Variants in DCDC1 observed in about 807,000 individuals in gnomAD.
The protein encoded by DCDC1 is doublecortin domain containing 1.
Under a neutral mutation model 178.3 loss-of-function variants are expected in DCDC1, and 200 were observed. The observed-to-expected ratio is 1.12, with a 90% confidence interval of 1.00 to 1.26. DCDC1 has a LOEUF of 1.26. Ranked by LOEUF, DCDC1 falls within the 50% of genes most tolerant of loss-of-function variation. DCDC1 has a pLI of 0.00. For synonymous variants in DCDC1, 690 were observed against 604.8 expected, an observed-to-expected ratio of 1.14 and a Z score of -2.07; for missense variants, 1,983 against 1,749.2, an observed-to-expected ratio of 1.13 and a Z score of -2.38.
chr11:30,998,538 C>A (rs554653802), intron 20 of DCDC1, among the ~76,000 whole-genome samples: 1,302 of 37,322 alleles, frequency 0.035, 29 homozygotes, highest in Admixed American at 0.14. Context: ...ATTTTCCTTG[C>A]AAAAGAATTC....
intron 29 of DCDC1, 143 bp from the exon 30 acceptor site, chr11:30,906,868 A>G (rs1466512332): frequency 3.6e-6 from 3 of 845,000 alleles, no homozygotes; most frequent in East Asian, 2.8e-5. Context: ...TAAATTTAGC[A>G]TAAATTTAGC....
chr11:30,948,660 C>T (rs163874), intron 21 of DCDC1, among the ~76,000 whole-genome samples: 111,337 of 152,074 alleles, frequency 0.73, 41,836 homozygotes, highest in African/African-American at 0.89. Flanking sequence ...AACAGATATA[C>T]AGACCAATGG....
intron 10 of DCDC1, among the ~76,000 whole-genome samples, chr11:31,132,329 T>C (rs1962544275): frequency 1.3e-5 from 2 of 152,214 alleles, no homozygotes; most frequent in African/African-American, 4.8e-5. Context: ...TTCTCAGTTA[T>C]TATGATAACA....
intron 27 of DCDC1, among the ~76,000 whole-genome samples, chr11:30,914,248 C>T (rs1443560533): frequency 3.3e-5 from 5 of 152,214 alleles, no homozygotes; most frequent in South Asian, 4.1e-4. Flanking sequence ...TTGGTTTTCC[C>T]GTCTTTTCTA....
intron 9 of DCDC1, among the ~76,000 whole-genome samples, chr11:31,216,498 A>G (rs914675112): frequency 3.3e-5 from 5 of 152,208 alleles, no homozygotes; most frequent in African/African-American, 1.2e-4. Context: ...TGTAGAATCC[A>G]AACTACTTAA....
intron 36 of DCDC1, among the ~76,000 whole-genome samples, chr11:30,888,096 GAA>G (rs765544446): frequency 0.19 from 16,902 of 89,014 alleles, 1,443 homozygotes; most frequent in Non-Finnish European, 0.23. Flanking sequence ...AAGAAAGAAA[GAA>G]AAAGAAAGAA....
intron 1 of DCDC1, among the ~76,000 whole-genome samples, chr11:31,357,055 G>C (rs1290679099): frequency 1.3e-5 from 2 of 151,708 alleles, no homozygotes; most frequent in Admixed American, 1.3e-4. Context: ...CCAATCAATA[G>C]AAAAAGAGGG....
chr11:31,067,828 T>A (rs1405274910), intron 18 of DCDC1, among the ~76,000 whole-genome samples: 1 of 152,092 alleles, frequency 6.6e-6, no homozygotes, highest in Non-Finnish European at 1.5e-5. Context: ...ATATGAAATG[T>A]CCAGAATGGG....
chr11:31,013,616 A>T (rs1361546592), intron 20 of DCDC1, among the ~76,000 whole-genome samples: 1 of 152,230 alleles, frequency 6.6e-6, no homozygotes, highest in Non-Finnish European at 1.5e-5. Flanking sequence ...GGAACGTAAG[A>T]GAATATTATT....
chr11:31,063,980 T>G (rs1956111986), intron 20 of DCDC1, among the ~76,000 whole-genome samples: 1 of 152,176 alleles, frequency 6.6e-6, no homozygotes, highest in Non-Finnish European at 1.5e-5. Context: ...ATTTTTCAGT[T>G]GGTTAGCAAT....
intron 9 of DCDC1, among the ~76,000 whole-genome samples, chr11:31,213,083 TTCTATATAAAGCCCAGC>T (rs1292912764): frequency 1.5e-5 from 2 of 133,166 alleles, no homozygotes; most frequent in African/African-American, 5.8e-5. Context: ...CTGTGTCATC[TTCTATATAAAGCCCAGC>T]CTCTCTCTCT....
intron 7 of DCDC1, chr11:31,280,804 TC>T: frequency 1.6e-6 from 1 of 617,152 alleles, no homozygotes. Flanking sequence ...GTGTATCCTC[TC>T]CCCAGGTGAT....
At chr11:30,960,541 C>T (rs556746805) in intron 20 of DCDC1, among the ~76,000 whole-genome samples, 2 of 152,264 alleles carry the variant, frequency 1.3e-5, no homozygotes, top group African/African-American at 4.8e-5. Flanking sequence ...AACTTTACAG[C>T]ATCAGTAAGT....
intron 18 of DCDC1, among the ~76,000 whole-genome samples, chr11:31,076,270 T>A (rs1417907185): frequency 6.6e-6 from 1 of 152,222 alleles, no homozygotes. Flanking sequence ...TAGTCTATTG[T>A]TGAAGCTCTC....
At chr11:31,365,511 T>C (rs1205204436) in intron 1 of DCDC1, among the ~76,000 whole-genome samples, 1 of 152,162 alleles carries the variant, frequency 6.6e-6, no homozygotes, top group African/African-American at 2.4e-5. Flanking sequence ...AAGTACACTA[T>C]ATGTATACAT....
At chr11:31,113,890 C>A (rs74575122) in intron 11 of DCDC1, among the ~76,000 whole-genome samples, 1,641 of 152,280 alleles carry the variant, frequency 0.011, 14 homozygotes, top group Non-Finnish European at 0.017. Flanking sequence ...AAACCTCAAT[C>A]AGATTTCTTT....
chr11:30,922,430 CT>C, intron 24 of DCDC1, 72 bp downstream of exon 24: 1 of 1,407,226 alleles, frequency 7.1e-7, no homozygotes, highest in Non-Finnish European at 9.2e-7. Context: ...CAAACTTTGA[CT>C]TTTTAAAAAG....
chr11:31,238,675 A>G, intron 9 of DCDC1, among the ~76,000 whole-genome samples: 1 of 152,146 alleles, frequency 6.6e-6, no homozygotes, highest in Non-Finnish European at 1.5e-5. Flanking sequence ...GAAAGTGTTA[A>G]CTACATTTCA....
At chr11:30,916,225 T>C (rs1189969956) in intron 26 of DCDC1, among the ~76,000 whole-genome samples, 1 of 152,218 alleles carries the variant, frequency 6.6e-6, no homozygotes, top group African/African-American at 2.4e-5. Context: ...TTTAAATGAC[T>C]GTCTTAAGGA....
Sources: gnomAD v4.1 joint callset for allele counts (sites outside exome capture counted in the v4.1 genomes callset) on GRCh38, gnomAD v4.1.1 for gene constraint, MANE v1.5 for transcripts, NCBI Gene and HGNC (gene_info 2026-07-23, HGNC 2026-07-21) for gene names.